Variants in DYNC2H1 observed in about 807,000 individuals in gnomAD.
The protein encoded by DYNC2H1 is cytoplasmic dynein 2 heavy chain 1.
A neutral mutation model predicts 570.0 loss-of-function variants in DYNC2H1; 410 were observed. The observed-to-expected ratio is 0.72, with a 90% CI of 0.66 to 0.78. The LOEUF (loss-of-function observed/expected upper bound fraction) is 0.78, where lower values mean the gene tolerates loss of function less well. Among genes scored for constraint, DYNC2H1 ranks in the 30% least tolerant of loss-of-function variants. The pLI is 0.00. For missense variants in DYNC2H1, 4,865 were observed against 5,046.4 expected, an observed-to-expected ratio of 0.96 and a Z score of 1.09; for synonymous variants, 1,688 against 1,677.6, an observed-to-expected ratio of 1.01 and a Z score of -0.15.
rs1349235062 is a variant in DYNC2H1 at position 103,117,773 on chromosome 11, T to A, written c.909T>A (p.Gly303=). The A allele has an allele frequency of 6.2e-7, 1 of 1,613,472 alleles. No homozygotes were observed. The highest frequency in any genetic ancestry group is 2.2e-5 in the East Asian group (1 of 44,848). The change falls in exon 6 of 89, where the codon GGT becomes GGA. Residue 303 remains glycine, a synonymous_variant. Transcript: ENST00000375735. ...QWVIVCNHLT[G]QVWQRYVPHP... is the part of the protein sequence containing the mutation. The stretch of plus-strand genomic sequence containing the variant: ...TGATAGTCTGTAATCATCTAACAGG[T>A]CAGGTGTGGCAGCGCTATGTTCCTC...
At chr11:103,202,136 A>T (rs932562954) in intron 50 of DYNC2H1, among the ~76,000 whole-genome samples, 3 of 152,150 alleles carry the variant, frequency 2.0e-5, no homozygotes, top group Non-Finnish European at 4.4e-5. Flanking sequence ...CATTTCTGTT[A>T]AAAAGTTGAG....
At chr11:103,259,813 C>A in intron 69 of DYNC2H1, 75 bp from the exon 70 acceptor site, 3 of 999,082 alleles carry the variant, frequency 3.0e-6, no homozygotes, top group Non-Finnish European at 4.4e-6. Context: ...AGCTTTGAAT[C>A]TGGAGGAACA....
At chr11:103,380,771 A>T (rs1248858979) in intron 83 of DYNC2H1, among the ~76,000 whole-genome samples, 5 of 152,150 alleles carry the variant, frequency 3.3e-5, no homozygotes. Flanking sequence ...CTTGTTACTC[A>T]GTCTGGTCTC....
chr11:103,291,057 A>G (rs1866576434), intron 75 of DYNC2H1, among the ~76,000 whole-genome samples: 1 of 152,216 alleles, frequency 6.6e-6, no homozygotes, highest in Non-Finnish European at 1.5e-5. Context: ...ATGCTGGTAC[A>G]AAATAATAGA....
At position 103,155,361 on chromosome 11, in the gene DYNC2H1, G is replaced by A; in HGVS notation, c.3604G>A (p.Gly1202Arg). ...IVIPILKYVRGEHLSPDHWLD... is the reference protein window; with the variant it reads ...IVIPILKYVRREHLSPDHWLD... ...AATTCCTATCTTGAAATATGTGAGA[G>A]GGGAGCATCTTTCTCCAGATCACTG... The change falls in exon 25 of 89, where the codon GGG becomes AGG. Residue 1202 changes from glycine to arginine, a missense_variant. Gly to Arg is a moderately radical substitution (Grantham distance 125). Around this residue, in one of 5 missense-constraint regions of DYNC2H1, gnomAD observed 1,936 missense variants for 1,962.1 expected, o/e 0.99. Coordinates refer to ENST00000375735, the MANE Select transcript of DYNC2H1 (RefSeq NM_001377.3). The A allele has an allele frequency of 6.2e-7, 1 of 1,609,136 alleles. No homozygotes were observed. The highest frequency in any genetic ancestry group is 8.5e-7 in the Non-Finnish European group (1 of 1,178,008).
rs759809052 is a variant in DYNC2H1, at chr11:103,133,469, G to T, written c.1954-86G>T. The stretch of plus-strand genomic sequence containing the variant: ...TTCTTTGTTGCAGGTCAGAGTTGGG[G>T]ATAGTTGAACTTTTGATATAGAATA... On this transcript the variant is annotated intron_variant, in intron 13 of 88. Transcript: ENST00000375735. The surrounding 1 kb of genome is among the most constrained non-coding windows in gnomAD (Gnocchi z 4.8). The T allele has an allele frequency of 1.2e-4, 158 of 1,288,148 alleles. No individual in the cohort carries two copies. The highest frequency in any genetic ancestry group is 1.9e-4 in the Middle Eastern group (1 of 5,206). The allele number at this position is 1,288,148 out of a possible 1,614,324, so 79.8% of individuals were successfully genotyped here. A position where few individuals can be genotyped will look rare whatever the true frequency, so the allele number is the denominator to read the frequency against.
In DYNC2H1 at chr11:103,472,041, G is replaced by A. The variant is rs1485877163; in HGVS notation, c.12765+3336G>A. Reference sequence around the variant, plus strand: ...ATTCCAGACAGAAGTAGCAGCATATGTAAATATATGCAGATAGAAAAGAGC... The same window carrying A: ...ATTCCAGACAGAAGTAGCAGCATATATAAATATATGCAGATAGAAAAGAGC... On this transcript the variant is annotated intron_variant, in intron 88 of 88. Transcript: ENST00000375735. The surrounding 1 kb of genome is among the most constrained non-coding windows in gnomAD (Gnocchi z 4.1). Among the ~76,000 whole-genome samples, 2 of 152,198 alleles carry A rather than the reference G, an allele frequency of 1.3e-5. No individual in the cohort carries two copies. Among genetic ancestry groups the A allele is most frequent in the Non-Finnish European group, 2.9e-5 (2 of 68,028 alleles).
chr11:103,123,798 A>G (rs1858846220), intron 11 of DYNC2H1, among the ~76,000 whole-genome samples: 1 of 148,034 alleles, frequency 6.8e-6, no homozygotes, highest in Admixed American at 6.9e-5. Context: ...AGCGTTTCTC[A>G]TTAGGCTTTG....
chr11:103,294,038 C>T (rs1391703981), intron 75 of DYNC2H1, among the ~76,000 whole-genome samples: 2 of 152,150 alleles, frequency 1.3e-5, no homozygotes, highest in African/African-American at 4.8e-5. Context: ...GAGATTACAC[C>T]ACTGCACTCC....
intron 61 of DYNC2H1, 119 bp from the exon 62 acceptor site, chr11:103,235,553 T>G: frequency 2.1e-6 from 2 of 934,586 alleles, no homozygotes; most frequent in Non-Finnish European, 2.9e-6. Flanking sequence ...ACTGTTACAT[T>G]CAAAACAAGT....
intron 84 of DYNC2H1, among the ~76,000 whole-genome samples, chr11:103,416,323 A>G (rs996921323): frequency 2.0e-5 from 3 of 150,406 alleles, no homozygotes; most frequent in African/African-American, 7.3e-5. Context: ...AATAAAAAAG[A>G]AAAAACTACT....
At chr11:103,173,379 T>G (rs1861655200) in intron 35 of DYNC2H1, 74 bp downstream of exon 35, 5 of 1,052,188 alleles carry the variant, frequency 4.8e-6, no homozygotes, top group Admixed American at 3.8e-5. Flanking sequence ...GTGATCATTT[T>G]CATATTTTCT....
chr11:103,406,293 T>G (rs368269899), intron 84 of DYNC2H1: 10 of 151,908 alleles, frequency 6.6e-5, no homozygotes, highest in African/African-American at 2.4e-4. Context: ...GAGTATGAGT[T>G]TTGTGCTTTC....
intron 12 of DYNC2H1, among the ~76,000 whole-genome samples, chr11:103,126,036 T>G (rs1565320634): frequency 6.6e-6 from 1 of 152,246 alleles, no homozygotes; most frequent in Non-Finnish European, 1.5e-5. Context: ...ACTGCTCATA[T>G]TGTGTCTTGA....
At chr11:103,218,594 C>T (rs1475735503) in intron 55 of DYNC2H1, among the ~76,000 whole-genome samples, 1 of 151,926 alleles carries the variant, frequency 6.6e-6, no homozygotes, top group African/African-American at 2.4e-5. Context: ...TGTTGATTAC[C>T]ATGTGTTTAT....
In DYNC2H1 at chr11:103,397,756, G is replaced by A. The variant is rs572451295; in HGVS notation, c.12157-1907G>A. On this transcript the variant is annotated intron_variant, in intron 83 of 88. Transcript: ENST00000375735. ...CAAAAAATACAAAAATTAGCTGGGT[G>A]TGGTGATGGGTGCCTGTATTCCTAG... 2.6e-5 allele frequency among the ~76,000 whole-genome samples: 4 copies of A among 152,252 alleles called. No homozygotes were observed. In the East Asian group the frequency reaches 5.8e-4, roughly 22 times the overall value.
In DYNC2H1 at chr11:103,304,591, GT is replaced by G. The variant is rs747683353; in HGVS notation, c.11257-3del. 3 of 1,605,214 alleles carry G rather than the reference GT, an allele frequency of 1.9e-6. No homozygotes were observed. ...AAATTTTGTTTGTTTTTTTGCTTTTGTAGGTTGCCATGGGTCAAGGTCAAGC... is the reference window on the plus strand; with the variant it reads ...AAATTTTGTTTGTTTTTTTGCTTTTGAGGTTGCCATGGGTCAAGGTCAAGC... On this transcript the variant is annotated splice_region_variant and splice_polypyrimidine_tract_variant and intron_variant, in intron 76 of 88. Transcript: ENST00000375735.
rs2135802985 is a variant in DYNC2H1, at chr11:103,454,166, G to T, written c.12457-1020G>T. On this transcript the variant is annotated intron_variant, in intron 85 of 88. Coordinates refer to ENST00000375735, the MANE Select transcript of DYNC2H1 (RefSeq NM_001377.3). ...TGTAAATGCTTGGGTAAATAATAGG[G>T]TGTTACAGTACATGAAACACATCCT... 3.9e-5 allele frequency among the ~76,000 whole-genome samples: 6 copies of T among 152,122 alleles called. No individual in the cohort carries two copies. In the South Asian group the frequency reaches 1.2e-3, roughly 32 times the overall value.
chr11:103,274,819 G>A (rs1865845158), intron 70 of DYNC2H1, among the ~76,000 whole-genome samples: 2 of 152,182 alleles, frequency 1.3e-5, no homozygotes, highest in South Asian at 4.1e-4. Context: ...TGTAGGCTGG[G>A]CGTGGTGGCT....
Sources: gnomAD v4.1 joint callset for allele counts (sites outside exome capture counted in the v4.1 genomes callset) on GRCh38, gnomAD v4.1.1 for gene constraint, gnomAD v4.1.1 regional missense constraint, Gnocchi (gnomAD v3.1) non-coding constraint, MANE v1.5 for transcripts, NCBI Gene and HGNC (gene_info 2026-07-23, HGNC 2026-07-21) for gene names.